RIOK2: variants seen among roughly 807,000 people sequenced by gnomAD.
RIOK2 encodes serine/threonine-protein kinase RIO2.
In RIOK2, 46 loss-of-function variants were observed where a neutral mutation model predicts 62.4. The ratio of observed to expected loss-of-function variants is 0.74; its 90% CI spans 0.58 to 0.94. The LOEUF (loss-of-function observed/expected upper bound fraction) is 0.94. RIOK2 is among the 40% of genes least tolerant of loss of function. The probability of loss-of-function intolerance (pLI) is 0.00; values close to 1 mark genes in which losing one functional copy is unlikely to be tolerated. For missense variants in RIOK2, 574 were observed against 658.0 expected (o/e 0.87, Z 1.40); for synonymous variants, 197 against 216.0 (o/e 0.91, Z 0.77).
chr5:97,180,027 A>T (rs373638443), intron 1 of RIOK2, among the ~76,000 whole-genome samples: 3 of 63,442 alleles, frequency 4.7e-5, no homozygotes, highest in African/African-American at 1.8e-4. Context: ...ATATATATAT[A>T]ATATATATAT....
Position 97,162,906 on chromosome 5 carries a change from T to C in RIOK2, c.*155A>G. 1 of 621,438 alleles carries C rather than the reference T, an allele frequency of 1.6e-6. No individual in the cohort carries two copies. Among genetic ancestry groups the C allele is most frequent in the South Asian group, 2.4e-5 (1 of 41,472 alleles). The allele number at this position is 621,438 out of a possible 1,614,324, so 38.5% of individuals were successfully genotyped here. ...ACTGCTTTGGCAGGTAATTATTCTT[T>C]GCAAGACACATACTGAATGACCAAA... On this transcript the variant is annotated 3_prime_UTR_variant, in exon 10 of 10. Transcript: ENST00000283109.
In RIOK2 at chr5:97,167,702, C is replaced by T. The variant is rs1269254369; in HGVS notation, c.1162G>A (p.Ala388Thr). ...AATTCAGTCATTTCAAAACTCCGTGCATCAGCACTCTCTTCTGATAAACTG... is the reference window on the plus strand; with the variant it reads ...AATTCAGTCATTTCAAAACTCCGTGTATCAGCACTCTCTTCTGATAAACTG... ...EDSLSEESAD[A>T]RSFEMTEFNQ... Residue 388 changes from alanine (A) to threonine (T), a missense_variant, in exon 8 of 10, where the codon GCA becomes ACA. Coordinates refer to ENST00000283109, the MANE Select transcript of RIOK2 (RefSeq NM_018343.3). 1.9e-6 allele frequency: 3 copies of T among 1,614,060 alleles called. No individual in the cohort carries two copies. Among genetic ancestry groups the T allele is most frequent in the Non-Finnish European group, 2.5e-6 (3 of 1,180,020 alleles).
chr5:97,172,458 G>A (rs1384258300), intron 5 of RIOK2, among the ~76,000 whole-genome samples: 1 of 152,174 alleles, frequency 6.6e-6, no homozygotes, highest in Non-Finnish European at 1.5e-5. Context: ...TCAACCTGCA[G>A]AACACATTCA....
At chr5:97,176,673 ATGTT>A (rs1749171045) in intron 4 of RIOK2, among the ~76,000 whole-genome samples, 2 of 152,178 alleles carry the variant, frequency 1.3e-5, no homozygotes, top group African/African-American at 4.8e-5. Context: ...AAATCTATAA[ATGTT>A]TGTTCCTTTA....
intron 1 of RIOK2, among the ~76,000 whole-genome samples, chr5:97,182,343 C>T (rs1309146335): frequency 6.6e-6 from 1 of 152,196 alleles, no homozygotes; most frequent in Non-Finnish European, 1.5e-5. Context: ...ATTACATTGG[C>T]CTTTCCTCTC....
At chr5:97,181,494 AC>A (rs1749413788) in intron 1 of RIOK2, among the ~76,000 whole-genome samples, 1 of 152,164 alleles carries the variant, frequency 6.6e-6, no homozygotes, top group Non-Finnish European at 1.5e-5. Context: ...AGCTAGTCAA[AC>A]AATGATTATT....
Position 97,161,700 on chromosome 5 carries a change from G to C in RIOK2, c.*1361C>G, listed in dbSNP as rs1288357694. The C allele has an allele frequency of 1.3e-5, 2 of 152,102 alleles. No homozygotes were observed. Among genetic ancestry groups the C allele is most frequent in the African/African-American group, 4.8e-5 (2 of 41,416 alleles). 9.4% of individuals were successfully genotyped at this position (152,102 alleles called of 1,614,324 possible). A position where few individuals can be genotyped will look rare whatever the true frequency, so the allele number is the denominator to read the frequency against. On this transcript the variant is annotated 3_prime_UTR_variant, in exon 10 of 10. Coordinates refer to ENST00000283109, the MANE Select transcript of RIOK2 (RefSeq NM_018343.3). ...CTCAAAAGTCAACTGAGTCAACTAG[G>C]TAAAGCTGAGCAGGATAAGGCTTTA...
chr5:97,171,194 G>GC lies in RIOK2; in HGVS notation c.779+11dup. The stretch of plus-strand genomic sequence containing the variant: ...AAAATAAAATAAAAATAAAAAAATA[G>GC]CAAGTACGTACCACTCAGCATTGGG... On this transcript the variant is annotated intron_variant, in intron 6 of 9. Coordinates refer to ENST00000283109, the MANE Select transcript of RIOK2 (RefSeq NM_018343.3). 7.3e-7 allele frequency: 1 copy of GC among 1,379,078 alleles called. No homozygotes were observed. The allele number at this position is 1,379,078 out of a possible 1,614,324, so 85.4% of individuals were successfully genotyped here.
intron 9 of RIOK2, 101 bp downstream of exon 9, chr5:97,164,950 G>T: frequency 1.6e-6 from 1 of 609,746 alleles, no homozygotes; most frequent in Non-Finnish European, 2.7e-6. Context: ...ATCAACAGAA[G>T]TCTGTACCTG....
At chr5:97,179,989 T>A (rs1306756791) in intron 1 of RIOK2, among the ~76,000 whole-genome samples, 2 of 46,704 alleles carry the variant, frequency 4.3e-5, no homozygotes, top group East Asian at 4.4e-4. Context: ...TATATATATA[T>A]AAAATATATA....
At chr5:97,169,173 G>T (rs1177348130) in intron 6 of RIOK2, among the ~76,000 whole-genome samples, 1 of 152,120 alleles carries the variant, frequency 6.6e-6, no homozygotes, top group Non-Finnish European at 1.5e-5. Context: ...AAGATAATGG[G>T]CCTATGGTTT....
chr5:97,183,025 G>A (rs1258003871), intron 1 of RIOK2, 101 bp downstream of exon 1: 1 of 1,240,984 alleles, frequency 8.1e-7, no homozygotes, highest in Non-Finnish European at 1.2e-6. Flanking sequence ...CACGTCCCGG[G>A]TCCCAGAGTG....
At position 97,167,672 on chromosome 5, in the gene RIOK2, G is replaced by A; in HGVS notation, c.1192C>T (p.Gln398Ter). The change falls in exon 8 of 10, where the codon CAA becomes TAA. Residue 398 changes from glutamine to a stop codon, truncating the protein, a stop_gained. Coordinates refer to ENST00000283109, the MANE Select transcript of RIOK2 (RefSeq NM_018343.3). LOFTEE classifies it high-confidence loss of function. ...TGCCCTTTTATTTCTTCTAAAGCTT[G>A]ATTGAATTCAGTCATTTCAAAACTC... is the stretch of plus-strand genomic sequence containing the variant. ...ARSFEMTEFN[Q>*]ALEEIKGQVV... 6.2e-7 allele frequency: 1 copy of A among 1,614,158 alleles called. No individual in the cohort carries two copies.
At chr5:97,165,393 G>A (rs764590551) in intron 8 of RIOK2, among the ~76,000 whole-genome samples, 22 of 152,116 alleles carry the variant, frequency 1.4e-4, no homozygotes, top group Non-Finnish European at 4.4e-5. Context: ...GAATGCTTAA[G>A]CCATTGAAAT....
chr5:97,164,181 A>G (rs895675377), intron 9 of RIOK2, among the ~76,000 whole-genome samples: 1 of 151,894 alleles, frequency 6.6e-6, no homozygotes, highest in African/African-American at 2.4e-5. Flanking sequence ...CTGAGCCACT[A>G]TGCCCGGCCA....
At chr5:97,177,960 T>C in intron 2 of RIOK2, 112 bp from the exon 3 acceptor site, 1 of 676,208 alleles carries the variant, frequency 1.5e-6, no homozygotes, top group East Asian at 2.6e-5. Context: ...TGGAAAAAGA[T>C]AAACTGCCCA....
Position 97,179,977 on chromosome 5 carries a change from A to AT in RIOK2, c.67-785_67-784insA, listed in dbSNP as rs59997106. Among the ~76,000 whole-genome samples the AT allele has an allele frequency of 6.9e-3, 324 of 47,298 alleles. 3 individuals carry two copies. The highest frequency in any genetic ancestry group is 9.4e-3 in the Non-Finnish European group (231 of 24,702). 31.0% of individuals were successfully genotyped at this position (47,298 alleles called of 152,430 possible). A position where few individuals can be genotyped will look rare whatever the true frequency, so the allele number is the denominator to read the frequency against. ...TTAAAAGTATTTTATATATATATAT[A>AT]ATATATATATATAAAATATATATAT... On this transcript the variant is annotated intron_variant, in intron 1 of 9. Transcript: ENST00000283109.
intron 3 of RIOK2, 128 bp from the exon 4 acceptor site, chr5:97,177,419 C>T (rs1749200242): frequency 2.2e-6 from 2 of 897,398 alleles, no homozygotes; most frequent in African/African-American, 3.4e-5. Flanking sequence ...GAGTATCCCT[C>T]CTTATCCAAA....
intron 5 of RIOK2, among the ~76,000 whole-genome samples, chr5:97,172,496 C>T (rs1749038849): frequency 6.6e-6 from 1 of 152,232 alleles, no homozygotes; most frequent in South Asian, 2.1e-4. Flanking sequence ...ATCACCTTCA[C>T]AACTATCACT....
Sources: gnomAD v4.1 joint callset for allele counts (sites outside exome capture counted in the v4.1 genomes callset) on GRCh38, gnomAD v4.1.1 for gene constraint, MANE v1.5 for transcripts, NCBI Gene and HGNC (gene_info 2026-07-23, HGNC 2026-07-21) for gene names.